The following NOL4L variants were observed in gnomAD, a reference collection of about 807,000 sequenced individuals.
The protein encoded by NOL4L is nucleolar protein 4 like, also known as nucleolar protein 4-like.
Under a neutral mutation model 64.5 loss-of-function variants are expected in NOL4L, and 7 were observed. That is an observed-to-expected ratio of 0.11 (90% CI 0.06 to 0.20). The LOEUF (loss-of-function observed/expected upper bound fraction) is 0.20, where lower values mean the gene tolerates loss of function less well. NOL4L is among the 10% of genes least tolerant of loss of function. The pLI, the probability that NOL4L is intolerant of heterozygous loss-of-function variation, is 1.00. For missense variants in NOL4L, 680 were observed against 967.1 expected, an observed-to-expected ratio of 0.70 and a Z score of 3.94; for synonymous variants, 413 against 401.0, an observed-to-expected ratio of 1.03 and a Z score of -0.36.
At chr20:32,524,170 G>A (rs2018045073) in intron 2 of NOL4L, among the ~76,000 whole-genome samples, 1 of 152,164 alleles carries the variant, frequency 6.6e-6, no homozygotes, top group South Asian at 2.1e-4. Context: ...AAGGCCCCTT[G>A]GAAAAAGGAC....
intron 4 of NOL4L, 84 bp from the exon 5 acceptor site, chr20:32,474,826 C>G: frequency 6.8e-7 from 1 of 1,476,664 alleles, no homozygotes; most frequent in East Asian, 2.5e-5. Flanking sequence ...ACCCCAGGGC[C>G]AGTGGGCGTT....
intron 1 of NOL4L, among the ~76,000 whole-genome samples, chr20:32,534,999 C>G (rs189438694): frequency 2.6e-5 from 4 of 151,772 alleles, no homozygotes; most frequent in African/African-American, 9.7e-5. Context: ...GGGGAGGAGT[C>G]AGTCTCCTGC....
chr20:32,470,467 A>G (rs2014930067), intron 5 of NOL4L, among the ~76,000 whole-genome samples: 2 of 152,248 alleles, frequency 1.3e-5, no homozygotes, highest in African/African-American at 4.8e-5. Flanking sequence ...CCTGGCTCTC[A>G]GGGTGCTTAT....
intron 5 of NOL4L, among the ~76,000 whole-genome samples, chr20:32,461,894 G>A (rs1293964670): frequency 6.6e-6 from 1 of 152,080 alleles, no homozygotes; most frequent in Non-Finnish European, 1.5e-5. Context: ...TGGTGCAGCT[G>A]TATTGGGTGG....
intron 5 of NOL4L, among the ~76,000 whole-genome samples, chr20:32,465,589 A>T (rs1290822025): frequency 6.6e-6 from 1 of 152,210 alleles, no homozygotes; most frequent in African/African-American, 2.4e-5. Flanking sequence ...GTGTGCAAAG[A>T]TCGAGCCGAG....
chr20:32,523,205 T>C (rs904536402), intron 2 of NOL4L, among the ~76,000 whole-genome samples: 1 of 152,022 alleles, frequency 6.6e-6, no homozygotes, highest in Non-Finnish European at 1.5e-5. Context: ...GTCCCATTGA[T>C]GGGTGGAAGG....
At chr20:32,455,085 C>T (rs1324454842) in intron 6 of NOL4L, among the ~76,000 whole-genome samples, 5 of 152,220 alleles carry the variant, frequency 3.3e-5, no homozygotes, top group East Asian at 1.9e-4. Context: ...CACATTCCCA[C>T]GCCACTCCTC....
At chr20:32,475,292 G>C in intron 4 of NOL4L, 1 of 985,460 alleles carries the variant, frequency 1.0e-6, no homozygotes, top group Non-Finnish European at 1.2e-6. Context: ...CCTAACCTTT[G>C]CTGTGCTTCA....
At chr20:32,517,230 A>T (rs992172473) in intron 3 of NOL4L, among the ~76,000 whole-genome samples, 1 of 152,180 alleles carries the variant, frequency 6.6e-6, no homozygotes, top group Non-Finnish European at 1.5e-5. Context: ...AAGGCCAGGA[A>T]GCCAGGCATT....
At position 32,445,230 on chromosome 20, in the gene NOL4L, A is replaced by G. The variant is rs1007836846; in HGVS notation, c.*2366T>C. The G allele has an allele frequency of 6.6e-6, 1 of 152,210 alleles. No homozygotes were observed. Among genetic ancestry groups the G allele is most frequent in the African/African-American group, 2.4e-5 (1 of 41,446 alleles). The allele number at this position is 152,210 out of a possible 1,614,324, so 9.4% of individuals were successfully genotyped here. On this transcript the variant is annotated 3_prime_UTR_variant, in exon 11 of 11. Coordinates refer to ENST00000621426, the MANE Select transcript of NOL4L (RefSeq NM_001256798.2). ...GCAGGCTGGAGGGTGGTCAGTTCCA[A>G]CAGCTTGAACTCAGAAAAACATGAC...
intron 2 of NOL4L, among the ~76,000 whole-genome samples, chr20:32,523,755 G>A (rs562553988): frequency 3.9e-5 from 6 of 152,142 alleles, no homozygotes; most frequent in East Asian, 1.9e-4. Flanking sequence ...CTTGCTCCCC[G>A]GGCCTCCTGC....
intron 3 of NOL4L, among the ~76,000 whole-genome samples, chr20:32,517,148 C>G (rs538931274): frequency 6.6e-6 from 1 of 152,108 alleles, no homozygotes; most frequent in African/African-American, 2.4e-5. Context: ...CTGTCCAGGT[C>G]CCCCCCACTC....
chr20:32,539,392 G>A (rs1357249324), intron 1 of NOL4L, among the ~76,000 whole-genome samples: 3 of 152,188 alleles, frequency 2.0e-5, no homozygotes, highest in Non-Finnish European at 2.9e-5. Context: ...CCTGGGCTTT[G>A]GAATCAGAAC....
rs1006445354 is a variant in NOL4L at position 32,539,479 on chromosome 20, C to G, written c.322-11566G>C. On this transcript the variant is annotated intron_variant, in intron 1 of 10. Transcript: ENST00000621426. ...CATTTGGGAAATGGGTTCAGGATCT[C>G]AAGGTCAGCTGTGACGTCCACGTGA... 5.3e-5 allele frequency among the ~76,000 whole-genome samples: 8 copies of G among 152,162 alleles called. No homozygotes were observed. In the South Asian group the frequency reaches 6.2e-4, roughly 12 times the overall value.
chr20:32,481,969 G>GA (rs1052635019), intron 4 of NOL4L, among the ~76,000 whole-genome samples: 8 of 149,068 alleles, frequency 5.4e-5, no homozygotes, highest in African/African-American at 1.2e-4. Flanking sequence ...CGGGGCGGGG[G>GA]GGGGGGAGCA....
At chr20:32,574,788 C>CATGG (rs143125561) in intron 1 of NOL4L, among the ~76,000 whole-genome samples, 12 of 151,774 alleles carry the variant, frequency 7.9e-5, no homozygotes, top group Non-Finnish European at 1.5e-5. Flanking sequence ...AGGCCTAAGT[C>CATGG]ACGGGGTCCC....
In NOL4L at chr20:32,475,321, G is replaced by C. The variant is rs758276359; in HGVS notation, c.700-579C>G. On this transcript the variant is annotated intron_variant, in intron 4 of 10. Coordinates refer to ENST00000621426, the MANE Select transcript of NOL4L (RefSeq NM_001256798.2). ...TGCTTCAAAGATACGCTCTTGGGCA[G>C]CTTCCAGGGCTGAAAGGGCCAGCCC... The C allele has an allele frequency of 6.9e-4, 683 of 985,502 alleles. 9 individuals are homozygous for C. Among genetic ancestry groups the C allele is most frequent in the Middle Eastern group, 2.6e-3 (5 of 1,914 alleles). 61.0% of individuals were successfully genotyped at this position (985,502 alleles called of 1,614,324 possible).
In NOL4L at chr20:32,470,619, C is replaced by A. The variant is rs569137037; in HGVS notation, c.841+3982G>T. On this transcript the variant is annotated intron_variant, in intron 5 of 10. Transcript: ENST00000621426. ...TCTCTCAGGCATCCTCCCTCCACAC[C>A]CTATGATGTGCACAGAGCCCTGTTC... is the stretch of plus-strand genomic sequence containing the variant. 6.6e-5 allele frequency among the ~76,000 whole-genome samples: 10 copies of A among 152,370 alleles called. No individual in the cohort carries two copies. In the East Asian group the frequency reaches 1.9e-3, roughly 29 times the overall value.
chr20:32,465,080 G>C (rs1016067393), intron 5 of NOL4L: 17 of 590,194 alleles, frequency 2.9e-5, no homozygotes, highest in Non-Finnish European at 5.2e-5. Context: ...TGCAGATGAT[G>C]TTCAGGCCTT....
Sources: allele counts gnomAD v4.1 joint callset (sites outside exome capture counted in the v4.1 genomes callset), GRCh38; gene constraint gnomAD v4.1.1; transcripts MANE v1.5; gene names NCBI Gene and HGNC (gene_info 2026-07-23, HGNC 2026-07-21).